The following GAPVD1 variants were observed in gnomAD, a reference collection of about 807,000 sequenced individuals.
The protein encoded by GAPVD1 is GTPase-activating protein and VPS9 domain-containing protein 1.
A neutral mutation model predicts 155.5 loss-of-function variants in GAPVD1; 35 were observed. The ratio of observed to expected loss-of-function variants is 0.23; its 90% CI spans 0.17 to 0.30. The LOEUF is 0.30. Ranked by LOEUF, GAPVD1 falls within the 10% of genes least tolerant of loss-of-function variation. GAPVD1 has a pLI of 1.00. For synonymous variants in GAPVD1, 636 were observed against 619.7 expected (o/e 1.03, Z -0.39); for missense variants, 1,429 against 1,775.7 (o/e 0.80, Z 3.51).
At position 125,349,439 on chromosome 9, in the gene GAPVD1, A is replaced by G. The variant is rs1485745206; in HGVS notation, c.3219A>G (p.Ala1073=). The change falls in exon 21 of 28, where the codon GCA becomes GCG. Residue 1073 remains alanine, a synonymous_variant. Coordinates refer to ENST00000297933, the MANE Select transcript of GAPVD1 (RefSeq NM_001282680.3). ...ESAHDSPRDE[A]LQNISADDLP... is the part of the protein sequence containing the mutation. ...CACATGATTCTCCCCGTGACGAAGC[A>G]CTGCAGAACATCTCGGCTGATGATC... 4.3e-6 allele frequency: 7 copies of G among 1,613,854 alleles called. No individual in the cohort carries two copies. The highest frequency in any genetic ancestry group is 5.1e-6 in the Non-Finnish European group (6 of 1,179,748).
intron 5 of GAPVD1, among the ~76,000 whole-genome samples, chr9:125,303,551 C>T (rs1422611683): frequency 2.0e-5 from 3 of 151,056 alleles, no homozygotes; most frequent in East Asian, 2.0e-4. Context: ...CCGAGGCGGG[C>T]GGATCACCTG....
rs149742049 is a variant in GAPVD1 at position 125,296,357 on chromosome 9, G to GGTTTTTTTTTTT, written c.-33+784_-33+795dup. Among the ~76,000 whole-genome samples, 440 of 111,244 alleles carry GGTTTTTTTTTTT rather than the reference G, an allele frequency of 4.0e-3. 27 individuals are homozygous for GGTTTTTTTTTTT. Among genetic ancestry groups the GGTTTTTTTTTTT allele is most frequent in the African/African-American group, 0.02 (381 of 18,930 alleles). The allele number at this position is 111,244 out of a possible 152,430, so 73.0% of individuals were successfully genotyped here. A position where few individuals can be genotyped will look rare whatever the true frequency, so the allele number is the denominator to read the frequency against. On this transcript the variant is annotated intron_variant, in intron 3 of 27. Transcript: ENST00000297933. The stretch of plus-strand genomic sequence containing the variant: ...CACACCCGGCCACATATAGTTCTTA[G>GGTTTTTTTTTTT]GTTTTTTTTTTTTTTTGAGATGGAG...
chr9:125,342,412 C>T, intron 19 of GAPVD1, 113 bp downstream of exon 19: 2 of 698,326 alleles, frequency 2.9e-6, no homozygotes, highest in Non-Finnish European at 5.1e-6. Flanking sequence ...TCTGTGTGTA[C>T]AGTGGGGAGT....
At position 125,305,129 on chromosome 9, in the gene GAPVD1, A is replaced by G; in HGVS notation, c.1096A>G (p.Ser366Gly). Residue 366 changes from serine (S) to glycine (G), a missense_variant, in exon 6 of 28, where the codon AGC becomes GGC. By Grantham distance (56) the Ser-to-Gly change is moderately conservative (BLOSUM62 0). Coordinates refer to ENST00000297933, the MANE Select transcript of GAPVD1 (RefSeq NM_001282680.3). ...SEEGDPRTKS[S>G]LGKFDKSCVA... Reference sequence around the variant, plus strand: ...AGAGGGAGATCCCCGAACAAAGAGCAGCCTTGGAAAGTTTGACAAAGTAAG... The same window carrying G: ...AGAGGGAGATCCCCGAACAAAGAGCGGCCTTGGAAAGTTTGACAAAGTAAG... The G allele has an allele frequency of 6.2e-7, 1 of 1,612,910 alleles. No individual in the cohort carries two copies. The highest frequency in any genetic ancestry group is 8.5e-7 in the Non-Finnish European group (1 of 1,178,862).
rs367607897 is a variant in GAPVD1, at chr9:125,337,243, A to G, written c.2529A>G (p.Pro843=). The part of the protein sequence containing the change: ...SHEGASAVVR[P]KVHYARPSHP... ...CAGGGGCTTCTGCTGTGGTAAGGCCAAAGGTTCACTATGCTAGGCCATCGC... is the reference window on the plus strand; with the variant it reads ...CAGGGGCTTCTGCTGTGGTAAGGCCGAAGGTTCACTATGCTAGGCCATCGC... Residue 843 remains proline, a synonymous_variant, in exon 17 of 28, where the codon CCA becomes CCG. Transcript: ENST00000297933. 384 of 1,614,152 alleles carry G rather than the reference A, an allele frequency of 2.4e-4. No homozygotes were observed. Among genetic ancestry groups the G allele is most frequent in the Non-Finnish European group, 3.1e-4 (364 of 1,179,996 alleles).
At chr9:125,351,792 G>A (rs903303082) in intron 23 of GAPVD1, among the ~76,000 whole-genome samples, 6 of 150,944 alleles carry the variant, frequency 4.0e-5, no homozygotes, top group Non-Finnish European at 7.4e-5. Flanking sequence ...CCAGGCTGGA[G>A]TGCAATGGTG....
chr9:125,270,154 C>T (rs1261906846), intron 2 of GAPVD1, among the ~76,000 whole-genome samples: 1 of 152,098 alleles, frequency 6.6e-6, no homozygotes, highest in Non-Finnish European at 1.5e-5. Flanking sequence ...GCTGGCCAGG[C>T]ATGGTGGCTC....
chr9:125,273,499 T>C (rs961035704), intron 2 of GAPVD1, among the ~76,000 whole-genome samples: 2 of 150,952 alleles, frequency 1.3e-5, no homozygotes, highest in East Asian at 3.9e-4. Context: ...TTCTTTTCTT[T>C]TTTTTTTTTT....
At chr9:125,342,398 T>C (rs1302125840) in intron 19 of GAPVD1, 99 bp downstream of exon 19, 2 of 740,354 alleles carry the variant, frequency 2.7e-6, no homozygotes, top group Non-Finnish European at 2.4e-6. Flanking sequence ...TCTAGAAGAG[T>C]GTGTCTGTGT....
intron 20 of GAPVD1, among the ~76,000 whole-genome samples, 193 bp from the exon 21 acceptor site, chr9:125,349,197 C>G (rs1848954564): frequency 6.6e-6 from 1 of 152,170 alleles, no homozygotes; most frequent in Non-Finnish European, 1.5e-5. Flanking sequence ...AGCAACTAGT[C>G]TCTTGATACA....
intron 2 of GAPVD1, among the ~76,000 whole-genome samples, chr9:125,284,948 G>A (rs1340520390): frequency 1.3e-5 from 2 of 152,212 alleles, no homozygotes; most frequent in Non-Finnish European, 2.9e-5. Flanking sequence ...ATGGTTGACT[G>A]AAAGGTCTTT....
chr9:125,330,210 G>A lies in GAPVD1; in HGVS notation c.2165G>A (p.Ser722Asn), dbSNP rs1049423869. The A allele has an allele frequency of 6.2e-7, 1 of 1,601,208 alleles. No individual in the cohort carries two copies. The highest frequency in any genetic ancestry group is 8.5e-7 in the Non-Finnish European group (1 of 1,174,464). Residue 722 changes from serine to asparagine, a missense_variant, in exon 13 of 28, where the codon AGT becomes AAT. Coordinates refer to ENST00000297933, the MANE Select transcript of GAPVD1 (RefSeq NM_001282680.3). ...GCTTGGAGTGTAGAGGTATTGCCAAGTGACTCAGGTTAGTATGCTGTCATT... is the reference window on the plus strand; with the variant it reads ...GCTTGGAGTGTAGAGGTATTGCCAAATGACTCAGGTTAGTATGCTGTCATT... ...SEAWSVEVLP[S>N]DSEAPDLKQE...
At chr9:125,311,848 T>G (rs1484158037) in intron 8 of GAPVD1, among the ~76,000 whole-genome samples, 3 of 151,776 alleles carry the variant, frequency 2.0e-5, no homozygotes, top group Non-Finnish European at 2.9e-5. Context: ...GCCCCCCGAG[T>G]AGCTGGGATT....
intron 6 of GAPVD1, among the ~76,000 whole-genome samples, chr9:125,306,623 G>T (rs1201562350): frequency 6.6e-6 from 1 of 152,068 alleles, no homozygotes; most frequent in African/African-American, 2.4e-5. Flanking sequence ...TTCCCAAGTA[G>T]CTGGGACTGC....
At chr9:125,326,705 G>A (rs1187396172) in intron 12 of GAPVD1, 116 bp downstream of exon 12, 2 of 725,688 alleles carry the variant, frequency 2.8e-6, no homozygotes, top group African/African-American at 3.5e-5. Flanking sequence ...GCACCATCTG[G>A]GAAACTGTTA....
chr9:125,285,692 C>T (rs960074044), intron 2 of GAPVD1, among the ~76,000 whole-genome samples: 5 of 151,902 alleles, frequency 3.3e-5, no homozygotes, highest in Non-Finnish European at 5.9e-5. Flanking sequence ...AACTCCTGAC[C>T]TCAGGTGATC....
intron 9 of GAPVD1, among the ~76,000 whole-genome samples, chr9:125,317,023 A>G (rs1843520555): frequency 6.6e-6 from 1 of 152,208 alleles, no homozygotes. Context: ...AAGTTAATAG[A>G]AAATGTCCTT....
Position 125,359,313 on chromosome 9 carries a change from A to G in GAPVD1, c.3972-107A>G, listed in dbSNP as rs2270746. 321,629 of 738,776 alleles carry G rather than the reference A, an allele frequency of 0.44. 72,433 individuals are homozygous for G. Among genetic ancestry groups the G allele is most frequent in the African/African-American group, 0.51 (29,940 of 58,392 alleles). The allele number at this position is 738,776 out of a possible 1,614,324, so 45.8% of individuals were successfully genotyped here. On this transcript the variant is annotated intron_variant, in intron 25 of 27. Transcript: ENST00000297933. Reference sequence around the variant, plus strand: ...TGTAATCCATATCTAGCTGTAATCCATATCTAGTCAACATGTTTCACGTGT... The same window carrying G: ...TGTAATCCATATCTAGCTGTAATCCGTATCTAGTCAACATGTTTCACGTGT...
chr9:125,319,647 G>A (rs1257312398), intron 9 of GAPVD1, among the ~76,000 whole-genome samples: 6 of 150,624 alleles, frequency 4.0e-5, no homozygotes, highest in African/African-American at 1.5e-4. Context: ...TGTCACCCAG[G>A]CTGGAGTGCA....
Sources: gnomAD v4.1 joint callset for allele counts (sites outside exome capture counted in the v4.1 genomes callset) on GRCh38, gnomAD v4.1.1 for gene constraint, MANE v1.5 for transcripts, NCBI Gene and HGNC (gene_info 2026-07-23, HGNC 2026-07-21) for gene names.